RBM27: variants seen among roughly 807,000 people sequenced by gnomAD.
The protein encoded by RBM27 is RNA binding motif protein 27, also known as RNA-binding protein 27.
In RBM27, 22 loss-of-function variants were observed where a neutral mutation model predicts 135.3. The ratio of observed to expected loss-of-function variants is 0.16; its 90% CI spans 0.12 to 0.23. The LOEUF (loss-of-function observed/expected upper bound fraction) is 0.23. Ranked by LOEUF, RBM27 falls within the 10% of genes least tolerant of loss-of-function variation. RBM27 has a pLI of 1.00. For missense variants in RBM27, 1,009 were observed against 1,281.0 expected, an observed-to-expected ratio of 0.79 and a Z score of 3.24; for synonymous variants, 481 against 442.4, an observed-to-expected ratio of 1.09 and a Z score of -1.10.
intron 6 of RBM27, among the ~76,000 whole-genome samples, chr5:146,232,062 C>T (rs1477269414): frequency 2.0e-5 from 3 of 152,066 alleles, no homozygotes; most frequent in South Asian, 4.1e-4. Context: ...TTTATATATT[C>T]ATAAAAGCTG....
chr5:146,217,462 C>CTTTT (rs1756255164), intron 1 of RBM27, among the ~76,000 whole-genome samples: 1 of 125,130 alleles, frequency 8.0e-6, no homozygotes, highest in African/African-American at 3.2e-5. Flanking sequence ...GAGCTGAAGC[C>CTTTT]TGTTTTTTTT....
At chr5:146,257,446 A>G (rs1758152045) in intron 10 of RBM27, among the ~76,000 whole-genome samples, 1 of 152,204 alleles carries the variant, frequency 6.6e-6, no homozygotes, top group African/African-American at 2.4e-5. Flanking sequence ...AACACAGTGA[A>G]CATTTGAATG....
chr5:146,233,674 C>T lies in RBM27; in HGVS notation c.1075C>T (p.His359Tyr). Reference protein sequence around the residue: ...PGPGPGPGPGHSMRLPVPQGH... With the variant: ...PGPGPGPGPGYSMRLPVPQGH... ...CCCGGGCCCAGGTCCAGGTCCTGGC[C>T]ATAGTATGAGACTTCCTGTTCCCCA... The change falls in exon 7 of 21, where the codon CAT becomes TAT. Residue 359 changes from histidine (H) to tyrosine (Y), a missense_variant. His to Tyr is a moderately conservative substitution (Grantham distance 83). Around this residue, in one of 6 missense-constraint regions of RBM27, gnomAD observed 329 missense variants for 368.1 expected, o/e 0.89. Coordinates refer to ENST00000265271, the MANE Select transcript of RBM27 (RefSeq NM_018989.2). 2 of 1,547,932 alleles carry T rather than the reference C, an allele frequency of 1.3e-6. No individual in the cohort carries two copies. The highest frequency in any genetic ancestry group is 1.7e-6 in the Non-Finnish European group (2 of 1,156,960).
Position 146,233,664 on chromosome 5 carries a change from A to G in RBM27, c.1065A>G (p.Pro355=). ...PGPGPGPGPG[P]GPGHSMRLPV... Reference sequence around the variant, plus strand: ...CAGGCCCAGGCCCGGGCCCAGGTCCAGGTCCTGGCCATAGTATGAGACTTC... The same window carrying G: ...CAGGCCCAGGCCCGGGCCCAGGTCCGGGTCCTGGCCATAGTATGAGACTTC... The change falls in exon 7 of 21, where the codon CCA becomes CCG. Residue 355 remains proline (P), a synonymous_variant. Transcript: ENST00000265271. 2 of 1,562,816 alleles carry G rather than the reference A, an allele frequency of 1.3e-6. No individual in the cohort carries two copies. Among genetic ancestry groups the G allele is most frequent in the Non-Finnish European group, 1.7e-6 (2 of 1,164,816 alleles).
intron 1 of RBM27, among the ~76,000 whole-genome samples, chr5:146,210,909 C>T (rs1407827463): frequency 6.6e-6 from 1 of 151,114 alleles, no homozygotes; most frequent in Non-Finnish European, 1.5e-5. Context: ...ATTGCGCCAC[C>T]GCACTCCAGC....
intron 9 of RBM27, among the ~76,000 whole-genome samples, chr5:146,253,400 T>C (rs1416553606): frequency 6.6e-6 from 1 of 152,144 alleles, no homozygotes; most frequent in Non-Finnish European, 1.5e-5. Context: ...GTGATAATAA[T>C]TTATTAAAAT....
rs184146813 is a variant in RBM27 at position 146,278,235 on chromosome 5, A to G, written c.2989-6387A>G. Among the ~76,000 whole-genome samples, 530 of 152,300 alleles carry G rather than the reference A, an allele frequency of 3.5e-3. 5 individuals carry two copies. The highest frequency in any genetic ancestry group is 0.014 in the Middle Eastern group (4 of 294). ...TAATCGGGGAAAATGGCTGGACTAG[A>G]TGAATTTCTCTTTGAGCAGCTTCTA... On this transcript the variant is annotated intron_variant, in intron 19 of 20. Coordinates refer to ENST00000265271, the MANE Select transcript of RBM27 (RefSeq NM_018989.2).
rs753466093 is a variant in RBM27 at position 146,230,868 on chromosome 5, T to G, written c.801T>G (p.Asn267Lys). 1 of 1,614,188 alleles carries G rather than the reference T, an allele frequency of 6.2e-7. No individual in the cohort carries two copies. Among genetic ancestry groups the G allele is most frequent in the South Asian group, 1.1e-5 (1 of 91,082 alleles). Residue 267 changes from asparagine to lysine, a missense_variant, in exon 6 of 21, where the codon AAT (asparagine) becomes AAG (lysine). Coordinates refer to ENST00000265271, the MANE Select transcript of RBM27 (RefSeq NM_018989.2). The stretch of plus-strand genomic sequence containing the variant: ...ACTATAACAATCATAGCTCTTCCAA[T>G]TCTTTTGGTCGAAACCTACCACCAA... ...SNYYNNHSSSNSFGRNLPPKR... is the reference protein window; with the variant it reads ...SNYYNNHSSSKSFGRNLPPKR...
In RBM27 at chr5:146,287,157, G is replaced by C. The variant is rs73303468; in HGVS notation, c.*1127G>C. The C allele has an allele frequency of 6.6e-6, 1 of 152,096 alleles. No homozygotes were observed. Among genetic ancestry groups the C allele is most frequent in the African/African-American group, 2.4e-5 (1 of 41,388 alleles). 9.4% of individuals were successfully genotyped at this position (152,096 alleles called of 1,614,324 possible). The stretch of plus-strand genomic sequence containing the variant: ...GGGTGGAGGTGGGAGGGGGTTGAGG[G>C]CTGAGTATGCTAGTAATAAATGGGA... On this transcript the variant is annotated 3_prime_UTR_variant, in exon 21 of 21. Transcript: ENST00000265271.
At chr5:146,241,616 G>GCCCACCTA (rs908200307) in intron 8 of RBM27, among the ~76,000 whole-genome samples, 10 of 152,092 alleles carry the variant, frequency 6.6e-5, no homozygotes, top group Non-Finnish European at 1.3e-4. Flanking sequence ...GGGCCCCAAG[G>GCCCACCTA]CCCACCTAAT....
At chr5:146,206,562 G>T (rs1319500107) in intron 1 of RBM27, among the ~76,000 whole-genome samples, 1 of 149,464 alleles carries the variant, frequency 6.7e-6, no homozygotes, top group Admixed American at 6.7e-5. Context: ...AAAAAAAAAG[G>T]CTAAAATACT....
intron 7 of RBM27, among the ~76,000 whole-genome samples, chr5:146,236,930 CTTTTT>C (rs36073661): frequency 2.1e-5 from 1 of 47,166 alleles, no homozygotes; most frequent in East Asian, 8.3e-4. Flanking sequence ...TATGATGGTC[CTTTTT>C]TTTTTTTTTT....
At chr5:146,285,693 A>G (rs1440523270) in intron 20 of RBM27, among the ~76,000 whole-genome samples, 1 of 151,976 alleles carries the variant, frequency 6.6e-6, no homozygotes, top group Non-Finnish European at 1.5e-5. Flanking sequence ...AAATGTCCAC[A>G]TTATTTTCCT....
chr5:146,264,654 TAAAAAAAA>T (rs35210934), intron 14 of RBM27, among the ~76,000 whole-genome samples: 19 of 97,896 alleles, frequency 1.9e-4, no homozygotes, highest in South Asian at 4.0e-4. Context: ...CAAAGAGAGC[TAAAAAAAA>T]AAAAAAAAAA....
At position 146,233,622 on chromosome 5, in the gene RBM27, A is replaced by C. The variant is rs550751039; in HGVS notation, c.1023A>C (p.Pro341=). The change falls in exon 7 of 21, where the codon CCA becomes CCC. Residue 341 remains proline, a synonymous_variant. Transcript: ENST00000265271. The part of the protein sequence containing the change: ...MLMPPMPGPG[P]GPGPGPGPGP... ...TGCCTCCAATGCCAGGTCCAGGCCC[A>C]GGCCCGGGCCCAGGTCCAGGCCCAG... The C allele has an allele frequency of 1.9e-6, 3 of 1,593,928 alleles. No individual in the cohort carries two copies. The highest frequency in any genetic ancestry group is 2.6e-6 in the Non-Finnish European group (3 of 1,167,954).
chr5:146,222,723 C>T (rs965911627), intron 2 of RBM27, among the ~76,000 whole-genome samples: 6 of 152,054 alleles, frequency 3.9e-5, no homozygotes, highest in African/African-American at 1.2e-4. Context: ...AAATATTTGA[C>T]GTTAATACTT....
At chr5:146,211,625 G>A (rs182177734) in intron 1 of RBM27, among the ~76,000 whole-genome samples, 1 of 151,740 alleles carries the variant, frequency 6.6e-6, no homozygotes, top group Non-Finnish European at 1.5e-5. Context: ...GGGATTACGG[G>A]CATGTGCCAC....
intron 8 of RBM27, among the ~76,000 whole-genome samples, chr5:146,249,202 C>G (rs1366636596): frequency 6.6e-6 from 1 of 151,936 alleles, no homozygotes; most frequent in African/African-American, 2.4e-5. Context: ...AGGCTGGTCT[C>G]AAACTCCTGA....
chr5:146,286,182 C>T lies in RBM27; in HGVS notation c.*152C>T, dbSNP rs763167855. The T allele has an allele frequency of 1.5e-5, 9 of 585,552 alleles. No individual in the cohort carries two copies. Among genetic ancestry groups the T allele is most frequent in the Non-Finnish European group, 2.7e-5 (9 of 339,156 alleles). 36.3% of individuals were successfully genotyped at this position (585,552 alleles called of 1,614,324 possible). On this transcript the variant is annotated 3_prime_UTR_variant, in exon 21 of 21. Transcript: ENST00000265271. Reference sequence around the variant, plus strand: ...GAACAGCAAGTTTGCTATTTAAACACATCTCATAACTGTACATGATATTAA... The same window carrying T: ...GAACAGCAAGTTTGCTATTTAAACATATCTCATAACTGTACATGATATTAA...
Sources: allele counts gnomAD v4.1 joint callset (sites outside exome capture counted in the v4.1 genomes callset), GRCh38; gene constraint gnomAD v4.1.1; regional missense constraint gnomAD v4.1.1; transcripts MANE v1.5; gene names NCBI Gene and HGNC (gene_info 2026-07-23, HGNC 2026-07-21).